The following EGFL6 variants were observed in gnomAD, a reference collection of about 807,000 sequenced individuals.
EGFL6 encodes the protein EGF like domain multiple 6.
A neutral mutation model predicts 43.1 loss-of-function variants in EGFL6; 42 were observed. The ratio of observed to expected loss-of-function variants is 0.98; its 90% CI spans 0.76 to 1.26. The LOEUF (loss-of-function observed/expected upper bound fraction) is 1.26, where lower values mean the gene tolerates loss of function less well. EGFL6 is among the 50% of genes most tolerant of loss of function. The pLI, the probability that EGFL6 is intolerant of heterozygous loss-of-function variation, is 0.00. For missense variants in EGFL6, 429 were observed against 427.8 expected, an observed-to-expected ratio of 1.00 and a Z score of -0.02; for synonymous variants, 164 against 163.2, an observed-to-expected ratio of 1.01 and a Z score of -0.04.
intron 1 of EGFL6, among the ~76,000 whole-genome samples, chrX:13,580,759 T>C (rs1009959147): frequency 8.9e-6 from 1 of 112,177 alleles, no homozygotes. Flanking sequence ...ATGTCAGCCC[T>C]CTTCTTAAAA....
chrX:13,577,338 A>C (rs1441948730), intron 1 of EGFL6, among the ~76,000 whole-genome samples: 1 of 15,059 alleles, frequency 6.6e-5, no homozygotes, highest in Non-Finnish European at 1.5e-4. Context: ...ATATATATAT[A>C]TATACATACA....
In EGFL6 at chrX:13,603,220, G is replaced by A. The variant is rs913513860; in HGVS notation, c.401-97G>A. On this transcript the variant is annotated intron_variant, in intron 4 of 11. Transcript: ENST00000361306. ...AACTTGTCCTATAATGCCATGCAAC[G>A]TGTTCCATTCAATGGCTCAGAATTT... 145 of 955,021 alleles carry A rather than the reference G, an allele frequency of 1.5e-4. 1 individual carries two copies. In the African/African-American group the frequency reaches 2.5e-3, roughly 16 times the overall value. The allele number at this position is 955,021 out of a possible 1,213,427, so 78.7% of individuals were successfully genotyped here. A position where few individuals can be genotyped will look rare whatever the true frequency, so the allele number is the denominator to read the frequency against.
At chrX:13,589,762 C>G (rs2885181) in intron 2 of EGFL6, 94 bp downstream of exon 2, 168,740 of 694,517 alleles carry the variant, frequency 0.24, 16,757 homozygotes, top group East Asian at 0.63. Flanking sequence ...GCCAGTGGAT[C>G]TCTCAGGCAA....
chrX:13,598,955 TATA>T, intron 3 of EGFL6, among the ~76,000 whole-genome samples: 1 of 104,514 alleles, frequency 9.6e-6, no homozygotes, highest in African/African-American at 3.5e-5. Flanking sequence ...TATATATATA[TATA>T]TTTTTTTAAA....
Position 13,599,458 on chromosome X carries a change from C to T in EGFL6, c.281-517C>T, listed in dbSNP as rs1338053843. Among the ~76,000 whole-genome samples, 10 of 111,095 alleles carry T rather than the reference C, an allele frequency of 9.0e-5. No homozygotes were observed. The South Asian group carries it at 2.6e-3, about 29-fold the overall frequency. ...TAAATGGACTCATACAGTATATACA[C>T]GTTTATATCCAGCTTCCACTCAATA... is the stretch of plus-strand genomic sequence containing the variant. On this transcript the variant is annotated intron_variant, in intron 3 of 11. Transcript: ENST00000361306.
intron 10 of EGFL6, 43 bp from the exon 11 acceptor site, chrX:13,626,968 A>T: frequency 8.4e-7 from 1 of 1,186,292 alleles, no homozygotes; most frequent in Non-Finnish European, 1.1e-6. Context: ...CAAACTCCTT[A>T]CAATTGCCTC....
intron 5 of EGFL6, among the ~76,000 whole-genome samples, chrX:13,604,393 A>G (rs1185422062): frequency 9.0e-6 from 1 of 111,156 alleles, no homozygotes; most frequent in Admixed American, 9.5e-5. Context: ...CCTCTGGGGC[A>G]GGAGTGCTGG....
intron 2 of EGFL6, among the ~76,000 whole-genome samples, chrX:13,591,828 G>T (rs1243483244): frequency 9.0e-6 from 1 of 111,199 alleles, no homozygotes; most frequent in East Asian, 2.8e-4. Context: ...CCAAGGCAGG[G>T]TCTCATCAGT....
At chrX:13,618,528 A>T (rs2045731932) in intron 8 of EGFL6, among the ~76,000 whole-genome samples, 1 of 112,735 alleles carries the variant, frequency 8.9e-6, no homozygotes, top group African/African-American at 3.2e-5. Flanking sequence ...AAAATCGACA[A>T]ATGTAGGAGG....
chrX:13,594,666 T>C (rs60405992), intron 2 of EGFL6, among the ~76,000 whole-genome samples, 170 bp from the exon 3 acceptor site: 1,262 of 111,528 alleles, frequency 0.011, 20 homozygotes, highest in African/African-American at 0.039. Context: ...GCTTTATATT[T>C]CATTGAATAC....
At chrX:13,623,946 C>G in intron 10 of EGFL6, 21 bp downstream of exon 10, 1 of 1,110,093 alleles carries the variant, frequency 9.0e-7, no homozygotes, top group Middle Eastern at 2.4e-4. Flanking sequence ...TTGACAGTTT[C>G]ATGTTCTGCA....
chrX:13,594,951 A>G (rs889774279), intron 3 of EGFL6, 23 bp downstream of exon 3: 11 of 1,137,392 alleles, frequency 9.7e-6, no homozygotes, highest in Non-Finnish European at 1.3e-5. Flanking sequence ...GCCCAGGGTC[A>G]TAGTTCAAAT....
At chrX:13,593,511 A>G (rs1390946817) in intron 2 of EGFL6, among the ~76,000 whole-genome samples, 1 of 111,612 alleles carries the variant, frequency 9.0e-6, no homozygotes, top group Non-Finnish European at 1.9e-5. Flanking sequence ...CTGATCCCAC[A>G]GGGACCTCTA....
At chrX:13,611,102 C>T (rs1485080354) in intron 7 of EGFL6, among the ~76,000 whole-genome samples, 1 of 111,082 alleles carries the variant, frequency 9.0e-6, no homozygotes, top group Non-Finnish European at 1.9e-5. Flanking sequence ...GTCTCACTGT[C>T]TCCTCTCCCC....
intron 1 of EGFL6, among the ~76,000 whole-genome samples, chrX:13,571,840 A>C (rs908142242): frequency 8.9e-6 from 1 of 111,826 alleles, no homozygotes; most frequent in African/African-American, 3.3e-5. Context: ...TAGATTCCAC[A>C]TTATGGATAA....
intron 1 of EGFL6, among the ~76,000 whole-genome samples, chrX:13,571,022 G>A (rs2045438851): frequency 9.0e-6 from 1 of 110,837 alleles, no homozygotes; most frequent in Middle Eastern, 4.6e-3. Context: ...TTGGGGTGAT[G>A]GGCTGCCCTG....
chrX:13,628,418 A>C (rs2045792635), intron 11 of EGFL6, among the ~76,000 whole-genome samples: 1 of 110,686 alleles, frequency 9.0e-6, no homozygotes, highest in South Asian at 3.8e-4. Context: ...CCTTTGCAAG[A>C]GTTCTTTCTT....
At chrX:13,632,847 A>G in intron 11 of EGFL6, 138 bp from the exon 12 acceptor site, 3 of 489,557 alleles carry the variant, frequency 6.1e-6, no homozygotes, top group Non-Finnish European at 9.9e-6. Flanking sequence ...CATCTAAAAA[A>G]TAATCTATTA....
At chrX:13,612,820 C>A (rs1236964071) in intron 7 of EGFL6, among the ~76,000 whole-genome samples, 1 of 112,493 alleles carries the variant, frequency 8.9e-6, no homozygotes, top group Non-Finnish European at 1.9e-5. Context: ...ATTACAAATA[C>A]ATTTGTATGC....
Sources: allele counts gnomAD v4.1 joint callset (sites outside exome capture counted in the v4.1 genomes callset), GRCh38; gene constraint gnomAD v4.1.1; transcripts MANE v1.5; gene names NCBI Gene and HGNC (gene_info 2026-07-23, HGNC 2026-07-21).